CSNK1G1: variants seen among roughly 807,000 people sequenced by gnomAD.
CSNK1G1 encodes casein kinase 1 gamma 1.
CSNK1G1 carries 22 observed loss-of-function variants against 59.6 expected under a neutral mutation model. The ratio of observed to expected loss-of-function variants is 0.37; its 90% confidence interval spans 0.26 to 0.53. The LOEUF is 0.53. Ranked by LOEUF, CSNK1G1 falls within the 20% of genes least tolerant of loss-of-function variation. The pLI, the probability that CSNK1G1 is intolerant of heterozygous loss-of-function variation, is 0.89. For missense variants in CSNK1G1, 384 were observed against 519.5 expected (o/e 0.74, Z 2.54); for synonymous variants, 179 against 177.1 (o/e 1.01, Z -0.08).
chr15:64,338,516 A>G (rs577545458), intron 1 of CSNK1G1, among the ~76,000 whole-genome samples: 1 of 151,796 alleles, frequency 6.6e-6, no homozygotes, highest in Non-Finnish European at 1.5e-5. Context: ...CCTGACCAAC[A>G]CAGAGAAACT....
At chr15:64,219,298 AT>A (rs1369155563) in intron 4 of CSNK1G1, among the ~76,000 whole-genome samples, 1 of 152,228 alleles carries the variant, frequency 6.6e-6, no homozygotes, top group African/African-American at 2.4e-5. Flanking sequence ...TACTGCTTTT[AT>A]TAATCAGACA....
intron 2 of CSNK1G1, among the ~76,000 whole-genome samples, chr15:64,269,233 T>C (rs1893148308): frequency 6.6e-6 from 1 of 152,208 alleles, no homozygotes; most frequent in African/African-American, 2.4e-5. Context: ...CCTCAACTTT[T>C]TGAAACAGTT....
chr15:64,324,580 C>T (rs545951223), intron 1 of CSNK1G1, among the ~76,000 whole-genome samples: 11 of 152,248 alleles, frequency 7.2e-5, no homozygotes, highest in Non-Finnish European at 1.5e-4. Context: ...CTGGAGGCTG[C>T]ACTGTCTGCT....
At chr15:64,326,978 C>T (rs1349749507) in intron 1 of CSNK1G1, among the ~76,000 whole-genome samples, 2 of 151,086 alleles carry the variant, frequency 1.3e-5, no homozygotes, top group African/African-American at 2.4e-5. Context: ...GCTTAAAAAA[C>T]GGCGCACCAC....
intron 3 of CSNK1G1, 136 bp from the exon 4 acceptor site, chr15:64,251,717 C>A (rs1892095157): frequency 6.5e-6 from 4 of 620,008 alleles, no homozygotes; most frequent in Non-Finnish European, 1.1e-5. Context: ...CCTTTTCTAA[C>A]CACAATTGGT....
At chr15:64,178,593 T>C (rs1455522917) in intron 11 of CSNK1G1, among the ~76,000 whole-genome samples, 1 of 151,308 alleles carries the variant, frequency 6.6e-6, no homozygotes, top group Admixed American at 6.6e-5. Flanking sequence ...GCGATTCTCC[T>C]GCCTCAGCCT....
intron 2 of CSNK1G1, among the ~76,000 whole-genome samples, chr15:64,273,913 C>A (rs574083108): frequency 1.8e-4 from 27 of 152,268 alleles, no homozygotes; most frequent in African/African-American, 6.0e-4. Flanking sequence ...CAATATCATT[C>A]CACGCTACTA....
chr15:64,169,178 CAGTAG>C lies in CSNK1G1; in HGVS notation c.*2748_*2752del, dbSNP rs746435844. 1.3e-5 allele frequency: 2 copies of C among 152,020 alleles called. No individual in the cohort carries two copies. Among genetic ancestry groups the C allele is most frequent in the South Asian group, 2.1e-4 (1 of 4,804 alleles). The allele number at this position is 152,020 out of a possible 1,614,324, so 9.4% of individuals were successfully genotyped here. ...GGGTGAGGGGCTGAAGAGAGGCACT[CAGTAG>C]AGTATAGAGTGCCAGGATGCTCCAG... On this transcript the variant is annotated 3_prime_UTR_variant, in exon 12 of 12. Coordinates refer to ENST00000303052, the MANE Select transcript of CSNK1G1 (RefSeq NM_022048.5).
At chr15:64,257,184 A>T (rs1447262925) in intron 3 of CSNK1G1, among the ~76,000 whole-genome samples, 1 of 151,848 alleles carries the variant, frequency 6.6e-6, no homozygotes. Flanking sequence ...AATAGTGGCC[A>T]TACAAAGCAG....
In CSNK1G1 at chr15:64,258,639, T is replaced by A. The variant is rs191708542; in HGVS notation, c.222+562A>T. Reference sequence around the variant, plus strand: ...GAATTCTGTCTTTTAAAATTATTAGTCCTCAAAAATAATAAAATTATTACT... The same window carrying A: ...GAATTCTGTCTTTTAAAATTATTAGACCTCAAAAATAATAAAATTATTACT... On this transcript the variant is annotated intron_variant, in intron 3 of 11. Transcript: ENST00000303052. 3.3e-5 allele frequency among the ~76,000 whole-genome samples: 5 copies of A among 152,224 alleles called. No homozygotes were observed. In the East Asian group the frequency reaches 9.6e-4, roughly 29 times the overall value.
chr15:64,219,777 CT>C (rs750402203), intron 4 of CSNK1G1, among the ~76,000 whole-genome samples: 162 of 136,222 alleles, frequency 1.2e-3, no homozygotes, highest in Middle Eastern at 4.0e-3. Flanking sequence ...CTTTTCTTTT[CT>C]TTTTTTTTTT....
intron 2 of CSNK1G1, among the ~76,000 whole-genome samples, chr15:64,288,362 ACAAT>A (rs1243546231): frequency 2.0e-5 from 3 of 152,282 alleles, no homozygotes; most frequent in Non-Finnish European, 2.9e-5. Flanking sequence ...CATCTGTGAG[ACAAT>A]CAATAACAAC....
intron 1 of CSNK1G1, among the ~76,000 whole-genome samples, chr15:64,348,927 T>C (rs1898123108): frequency 6.6e-6 from 1 of 151,716 alleles, no homozygotes; most frequent in South Asian, 2.1e-4. Flanking sequence ...AGGTCAGGAG[T>C]TCGAGACCAG....
chr15:64,166,159 T>C lies in CSNK1G1; in HGVS notation c.*5772A>G, dbSNP rs1352704599. 2 of 505,234 alleles carry C rather than the reference T, an allele frequency of 4.0e-6. No homozygotes were observed. Among genetic ancestry groups the C allele is most frequent in the Middle Eastern group, 9.8e-4 (2 of 2,032 alleles). The allele number at this position is 505,234 out of a possible 1,614,324, so 31.3% of individuals were successfully genotyped here. Reference sequence around the variant, plus strand: ...ACACATTAAAACTGATTTCCACTGCTGATTTATACATTATCTAGTTGTTTA... The same window carrying C: ...ACACATTAAAACTGATTTCCACTGCCGATTTATACATTATCTAGTTGTTTA... On this transcript the variant is annotated 3_prime_UTR_variant, in exon 12 of 12. Coordinates refer to ENST00000303052, the MANE Select transcript of CSNK1G1 (RefSeq NM_022048.5). This position sits in a 1 kb window ranked among gnomAD's most constrained non-coding sequence, Gnocchi z 4.5.
In CSNK1G1 at chr15:64,167,359, C is replaced by G. The variant is rs376463080; in HGVS notation, c.*4572G>C. ...AAAAACAACAACAAAAAAACAAAAC[C>G]CAAAGCCAAAGGAATCCCAATTTGA... On this transcript the variant is annotated 3_prime_UTR_variant, in exon 12 of 12. Coordinates refer to ENST00000303052, the MANE Select transcript of CSNK1G1 (RefSeq NM_022048.5). The G allele has an allele frequency of 6.6e-6, 1 of 152,382 alleles. No homozygotes were observed. Among genetic ancestry groups the G allele is most frequent in the Admixed American group, 6.5e-5 (1 of 15,270 alleles). The allele number at this position is 152,382 out of a possible 1,614,324, so 9.4% of individuals were successfully genotyped here. A position where few individuals can be genotyped will look rare whatever the true frequency, so the allele number is the denominator to read the frequency against.
chr15:64,231,546 A>ATG (rs2082549825), intron 4 of CSNK1G1, among the ~76,000 whole-genome samples: 1 of 151,456 alleles, frequency 6.6e-6, no homozygotes, highest in African/African-American at 2.4e-5. Context: ...CCCAAGTGGG[A>ATG]TGCTCAAGAA....
intron 2 of CSNK1G1, chr15:64,266,019 A>C: frequency 3.3e-6 from 1 of 304,938 alleles, no homozygotes; most frequent in East Asian, 7.9e-5. Context: ...AGGATCTTTG[A>C]GATCATGTCA....
chr15:64,218,512 C>A (rs939051047), intron 4 of CSNK1G1, among the ~76,000 whole-genome samples: 2 of 151,886 alleles, frequency 1.3e-5, no homozygotes, highest in Non-Finnish European at 2.9e-5. Flanking sequence ...TGCGCCTCAG[C>A]CTCCCAAGTA....
At chr15:64,221,227 G>A (rs1027890349) in intron 4 of CSNK1G1, among the ~76,000 whole-genome samples, 8 of 152,142 alleles carry the variant, frequency 5.3e-5, no homozygotes, top group Non-Finnish European at 1.2e-4. Flanking sequence ...GGCTTGCTTA[G>A]AAATATAATA....
Sources: gnomAD v4.1 joint callset for allele counts (sites outside exome capture counted in the v4.1 genomes callset) on GRCh38, gnomAD v4.1.1 for gene constraint, Gnocchi (gnomAD v3.1) non-coding constraint, MANE v1.5 for transcripts, NCBI Gene and HGNC (gene_info 2026-07-23, HGNC 2026-07-21) for gene names.